GRB2: variants seen among roughly 807,000 people sequenced by gnomAD.
The protein encoded by GRB2 is growth factor receptor bound protein 2.
GRB2 carries 2 observed loss-of-function variants against 27.4 expected under a neutral mutation model. The ratio of observed to expected loss-of-function variants is 0.07; its 90% CI spans 0.03 to 0.23. The LOEUF (loss-of-function observed/expected upper bound fraction) is 0.23. GRB2 is among the 10% of genes least tolerant of loss of function. GRB2 has a pLI of 1.00. For missense variants in GRB2, 102 were observed against 282.4 expected (o/e 0.36, Z 4.58); for synonymous variants, 94 against 99.6 (o/e 0.94, Z 0.33).
At chr17:75,382,911 A>G (rs1168272664) in intron 2 of GRB2, among the ~76,000 whole-genome samples, 2 of 152,058 alleles carry the variant, frequency 1.3e-5, no homozygotes, top group Non-Finnish European at 2.9e-5. Context: ...GGTTATCACC[A>G]TGTTAGCCAG....
chr17:75,334,346 A>G (rs1324240546), intron 2 of GRB2, among the ~76,000 whole-genome samples: 1 of 151,134 alleles, frequency 6.6e-6, no homozygotes, highest in Admixed American at 6.6e-5. Flanking sequence ...AATTTTTTGT[A>G]TTTTTTAGTA....
chr17:75,396,986 C>T (rs931261179), intron 1 of GRB2, among the ~76,000 whole-genome samples: 2 of 152,162 alleles, frequency 1.3e-5, no homozygotes, highest in African/African-American at 4.8e-5. Context: ...AGTACAAAAA[C>T]CAAGACAGTT....
intron 2 of GRB2, among the ~76,000 whole-genome samples, chr17:75,384,972 G>A (rs934853702): frequency 3.2e-5 from 4 of 126,186 alleles, no homozygotes; most frequent in African/African-American, 8.7e-5. Context: ...CAGGCGGATC[G>A]CTTGAGCCCA....
intron 4 of GRB2, among the ~76,000 whole-genome samples, chr17:75,324,523 T>G (rs1234557794): frequency 8.9e-5 from 8 of 89,820 alleles, no homozygotes; most frequent in African/African-American, 2.7e-4. Flanking sequence ...TTTTTTTTTT[T>G]TTTTTTTTTT....
At chr17:75,377,321 T>TTA (rs762614479) in intron 2 of GRB2, among the ~76,000 whole-genome samples, 31 of 151,800 alleles carry the variant, frequency 2.0e-4, no homozygotes, top group Non-Finnish European at 3.4e-4. Context: ...GACCCCATGT[T>TTA]TATTGCAAAC....
In GRB2 at chr17:75,371,296, A is replaced by T. The variant is rs1184517651; in HGVS notation, c.78+22255T>A. ...GCTGGCAAGGAAAATAAAGGAATAA[A>T]AAAAAAAAAATTCAAGGGTTTCTAT... On this transcript the variant is annotated intron_variant, in intron 2 of 5. Transcript: ENST00000316804. 4 of 151,984 alleles carry T rather than the reference A, an allele frequency of 2.6e-5. No homozygotes were observed. In the East Asian group the frequency reaches 5.8e-4, roughly 22 times the overall value. 9.4% of individuals were successfully genotyped at this position (151,984 alleles called of 1,614,324 possible).
chr17:75,354,264 T>TTGGGGGGGGG lies in GRB2; in HGVS notation c.79-21468_79-21467insCCCCCCCCCA, dbSNP rs1555610715. ...AAAGTTTATTCATGGTCTTTTTTTT[T>TTGGGGGGGGG]GGGGGGGGGGGGGAGATGGAGTTTC... On this transcript the variant is annotated intron_variant, in intron 2 of 5. Coordinates refer to ENST00000316804, the MANE Select transcript of GRB2 (RefSeq NM_002086.5). Among the ~76,000 whole-genome samples the TTGGGGGGGGG allele has an allele frequency of 2.6e-4, 10 of 38,272 alleles. 2 individuals carry two copies. Among genetic ancestry groups the TTGGGGGGGGG allele is most frequent in the Middle Eastern group, 0.01 (1 of 96 alleles). 25.1% of individuals were successfully genotyped at this position (38,272 alleles called of 152,430 possible).
chr17:75,380,189 T>A (rs2078919003), intron 2 of GRB2, among the ~76,000 whole-genome samples: 1 of 152,124 alleles, frequency 6.6e-6, no homozygotes, highest in African/African-American at 2.4e-5. Flanking sequence ...GGAAACAAAT[T>A]TGCTCCATGA....
Position 75,320,677 on chromosome 17 carries a change from C to T in GRB2, c.469-124G>A. Reference sequence around the variant, plus strand: ...AAATTCTCCATGTTTCTTAAACTCACCTCCCATCTCCCAACCCCCCGTTTA... The same window carrying T: ...AAATTCTCCATGTTTCTTAAACTCATCTCCCATCTCCCAACCCCCCGTTTA... On this transcript the variant is annotated intron_variant, in intron 5 of 5. Coordinates refer to ENST00000316804, the MANE Select transcript of GRB2 (RefSeq NM_002086.5). This position sits in a 1 kb window ranked among gnomAD's most constrained non-coding sequence, Gnocchi z 4.3. 1 of 668,308 alleles carries T rather than the reference C, an allele frequency of 1.5e-6. No individual in the cohort carries two copies. Among genetic ancestry groups the T allele is most frequent in the Non-Finnish European group, 2.6e-6 (1 of 379,746 alleles). The allele number at this position is 668,308 out of a possible 1,614,324, so 41.4% of individuals were successfully genotyped here.
chr17:75,336,323 C>T (rs1598222841), intron 2 of GRB2, among the ~76,000 whole-genome samples: 1 of 152,146 alleles, frequency 6.6e-6, no homozygotes, highest in Non-Finnish European at 1.5e-5. Flanking sequence ...TGTCTTAACT[C>T]CTGAAATGGT....
intron 1 of GRB2, chr17:75,405,205 T>G (rs2079091599): frequency 6.6e-6 from 1 of 151,860 alleles, no homozygotes; most frequent in Non-Finnish European, 1.5e-5. Context: ...GCCCCTTCCG[T>G]GCAAACCCTC....
At chr17:75,334,364 G>T (rs566017312) in intron 2 of GRB2, among the ~76,000 whole-genome samples, 9 of 151,986 alleles carry the variant, frequency 5.9e-5, no homozygotes, top group Non-Finnish European at 1.2e-4. Flanking sequence ...GTAGAGACGG[G>T]GTTTCACCAT....
At position 75,378,265 on chromosome 17, in the gene GRB2, C is replaced by A. The variant is rs1012617188; in HGVS notation, c.78+15286G>T. The stretch of plus-strand genomic sequence containing the variant: ...ATGAGCTGAGCGTGGTGGTGGGCAG[C>A]TGTAATCCTAGCTACTTGGGAGGCT... On this transcript the variant is annotated intron_variant, in intron 2 of 5. Coordinates refer to ENST00000316804, the MANE Select transcript of GRB2 (RefSeq NM_002086.5). Among the ~76,000 whole-genome samples, 8 of 152,220 alleles carry A rather than the reference C, an allele frequency of 5.3e-5. No individual in the cohort carries two copies. The East Asian group carries it at 1.5e-3, about 29-fold the overall frequency.
chr17:75,358,766 C>A (rs1002052219), intron 2 of GRB2, among the ~76,000 whole-genome samples: 1 of 145,354 alleles, frequency 6.9e-6, no homozygotes, highest in Non-Finnish European at 1.5e-5. Context: ...ACCTGTAAAT[C>A]CCAGCTACTC....
intron 2 of GRB2, among the ~76,000 whole-genome samples, chr17:75,356,985 C>CTAA (rs2145844579): frequency 6.6e-6 from 1 of 152,318 alleles, no homozygotes; most frequent in African/African-American, 2.4e-5. Flanking sequence ...CCCATCCAGG[C>CTAA]TAATGGCTTT....
chr17:75,348,444 A>T (rs945067233), intron 2 of GRB2, among the ~76,000 whole-genome samples: 1 of 152,242 alleles, frequency 6.6e-6, no homozygotes, highest in Non-Finnish European at 1.5e-5. Flanking sequence ...GACTTGCAGT[A>T]GCTGCCCCTT....
At chr17:75,352,943 T>G (rs1244834757) in intron 2 of GRB2, among the ~76,000 whole-genome samples, 1 of 151,642 alleles carries the variant, frequency 6.6e-6, no homozygotes, top group Non-Finnish European at 1.5e-5. Flanking sequence ...CCCAGCACTT[T>G]GGGAGGCCGA....
At chr17:75,343,398 A>G (rs544630280) in intron 2 of GRB2, among the ~76,000 whole-genome samples, 48 of 152,330 alleles carry the variant, frequency 3.2e-4, no homozygotes, top group Non-Finnish European at 6.0e-4. Context: ...TGATCACATT[A>G]AGAGACCAGG....
chr17:75,332,608 T>C (rs752961184), intron 3 of GRB2, 92 bp downstream of exon 3: 16 of 726,684 alleles, frequency 2.2e-5, no homozygotes, highest in Non-Finnish European at 3.7e-5. Flanking sequence ...ATAAAAAGTA[T>C]GACATCCATC....
Sources: allele counts gnomAD v4.1 joint callset (sites outside exome capture counted in the v4.1 genomes callset), GRCh38; gene constraint gnomAD v4.1.1; non-coding constraint Gnocchi (gnomAD v3.1); transcripts MANE v1.5; gene names NCBI Gene and HGNC (gene_info 2026-07-23, HGNC 2026-07-21).